The following CCDC40 variants were observed in gnomAD, a reference collection of about 807,000 sequenced individuals.
The protein encoded by CCDC40 is coiled-coil domain 40 molecular ruler complex subunit.
Under a neutral mutation model 124.5 loss-of-function variants are expected in CCDC40, and 104 were observed. That is an observed-to-expected ratio of 0.84 (90% confidence interval 0.71 to 0.98). The LOEUF (loss-of-function observed/expected upper bound fraction) is 0.98, where lower values mean the gene tolerates loss of function less well. Ranked by LOEUF, CCDC40 falls within the 50% of genes least tolerant of loss-of-function variation. The probability of loss-of-function intolerance (pLI) is 0.00; values close to 1 mark genes in which losing one functional copy is unlikely to be tolerated. For synonymous variants in CCDC40, 580 were observed against 602.9 expected (o/e 0.96, Z 0.56); for missense variants, 1,463 against 1,503.9 (o/e 0.97, Z 0.45).
At chr17:80,074,025 T>C (rs925834941) in intron 10 of CCDC40, among the ~76,000 whole-genome samples, 1 of 152,156 alleles carries the variant, frequency 6.6e-6, no homozygotes, top group Non-Finnish European at 1.5e-5. Flanking sequence ...TGATTAAGCT[T>C]CATGAGGAAG....
At position 80,038,147 on chromosome 17, in the gene CCDC40, T is replaced by C. The variant is rs1234556586; in HGVS notation, c.54T>C (p.Ala18=). Residue 18 remains alanine (A), a synonymous_variant, in exon 2 of 20, where the codon GCT becomes GCC. Transcript: ENST00000397545. ...AGRSHPEDGS[A]SEGEKEGNNE... The stretch of plus-strand genomic sequence containing the variant: ...GGTCCCATCCGGAAGATGGATCGGC[T>C]TCTGAGGGAGAGAAGGAAGGGAATA... 4 of 1,611,534 alleles carry C rather than the reference T, an allele frequency of 2.5e-6. No homozygotes were observed. In the South Asian group the frequency reaches 4.4e-5, roughly 18 times the overall value.
chr17:80,055,250 A>G (rs1244712395), intron 7 of CCDC40, among the ~76,000 whole-genome samples: 2 of 152,218 alleles, frequency 1.3e-5, no homozygotes, highest in Non-Finnish European at 2.9e-5. Flanking sequence ...AACAAGAGAA[A>G]GAAATGAGAT....
chr17:80,090,326 CG>C, intron 17 of CCDC40: 2 of 637,740 alleles, frequency 3.1e-6, no homozygotes, highest in Non-Finnish European at 4.7e-6. Context: ...ACGGGACGCG[CG>C]CAGGCACGTG....
intron 17 of CCDC40, among the ~76,000 whole-genome samples, chr17:80,091,342 C>CAG (rs146101730): frequency 1.8e-3 from 260 of 145,020 alleles, no homozygotes; most frequent in Admixed American, 8.5e-3. Context: ...CACACACACA[C>CAG]AGAGAGAGAG....
chr17:80,073,786 C>G (rs2038248764), intron 10 of CCDC40, among the ~76,000 whole-genome samples: 2 of 152,116 alleles, frequency 1.3e-5, no homozygotes, highest in Non-Finnish European at 1.5e-5. Flanking sequence ...ACCTCTACCT[C>G]CCGGGTTCAA....
rs557375778 is a variant in CCDC40 at position 80,040,105 on chromosome 17, C to T, written c.387C>T (p.Tyr129=). 7.4e-6 allele frequency: 12 copies of T among 1,614,144 alleles called. No homozygotes were observed. Among genetic ancestry groups the T allele is most frequent in the African/African-American group, 5.3e-5 (4 of 75,048 alleles). The change falls in exon 3 of 20, where the codon TAC becomes TAT. Residue 129 remains tyrosine (Y), a synonymous_variant. Transcript: ENST00000397545. ...PPQELPGEEA[Y]DSVSGEAGLQ... Reference sequence around the variant, plus strand: ...AGGAACTGCCTGGAGAGGAGGCATACGATAGTGTTAGCGGGGAGGCTGGTC... The same window carrying T: ...AGGAACTGCCTGGAGAGGAGGCATATGATAGTGTTAGCGGGGAGGCTGGTC...
chr17:80,097,108 G>A, intron 18 of CCDC40, 137 bp from the exon 19 acceptor site: 1 of 947,240 alleles, frequency 1.1e-6, no homozygotes, highest in South Asian at 1.3e-5. Context: ...CGCCTCTCCA[G>A]CCCTCCCATT....
Position 80,087,603 on chromosome 17 carries a change from A to G in CCDC40, c.2450-4A>G, listed in dbSNP as rs778209145. 2.5e-6 allele frequency: 4 copies of G among 1,613,934 alleles called. No homozygotes were observed. Among genetic ancestry groups the G allele is most frequent in the South Asian group, 2.2e-5 (2 of 91,076 alleles). The stretch of plus-strand genomic sequence containing the variant: ...TCTCCCTGAGTCTCTGTTTTCTGCC[A>G]TAGGCAAGATTGAGCAGGAGAAGAA... On this transcript the variant is annotated splice_region_variant and splice_polypyrimidine_tract_variant and intron_variant, in intron 14 of 19. Coordinates refer to ENST00000397545, the MANE Select transcript of CCDC40 (RefSeq NM_017950.4). The surrounding 1 kb of genome is among the most constrained non-coding windows in gnomAD (Gnocchi z 4.5).
intron 10 of CCDC40, among the ~76,000 whole-genome samples, chr17:80,073,179 T>C (rs1009180853): frequency 6.6e-6 from 1 of 151,992 alleles, no homozygotes; most frequent in Admixed American, 6.6e-5. Context: ...ATTTTTTGTA[T>C]TTTTTAGTAG....
At chr17:80,037,015 G>C (rs894855944) in intron 1 of CCDC40, among the ~76,000 whole-genome samples, 1 of 152,144 alleles carries the variant, frequency 6.6e-6, no homozygotes, top group African/African-American at 2.4e-5. Flanking sequence ...ACCACTCTGC[G>C]TGGCGGTCCC....
intron 7 of CCDC40, among the ~76,000 whole-genome samples, chr17:80,056,033 G>T (rs1424906611): frequency 6.5e-3 from 48 of 7,394 alleles, no homozygotes; most frequent in Non-Finnish European, 0.012. Flanking sequence ...TTTTTTTTTG[G>T]TAGAAACAGG....
chr17:80,084,982 G>C lies in CCDC40; in HGVS notation c.2229G>C (p.Glu743Asp), dbSNP rs377219039. 263 of 1,613,652 alleles carry C rather than the reference G, an allele frequency of 1.6e-4. 1 individual carries two copies. The highest frequency in any genetic ancestry group is 6.6e-4 in the Middle Eastern group (4 of 6,036). Residue 743 changes from glutamate to aspartate, a missense_variant, in exon 13 of 20, where the codon GAG (glutamate) becomes GAC (aspartate). Coordinates refer to ENST00000397545, the MANE Select transcript of CCDC40 (RefSeq NM_017950.4). ...LNKQLERMVS[E>D]LGGEEVGPLE... is the part of the protein sequence containing the mutation. ...AGCAGCTGGAGCGGATGGTCTCCGA[G>C]CTGGGGGTGAGGTCCCAGGCAGGGA... is the stretch of plus-strand genomic sequence containing the variant.
Position 80,066,088 on chromosome 17 carries a change from T to G in CCDC40, c.1562+482T>G. On this transcript the variant is annotated intron_variant, in intron 10 of 19. Coordinates refer to ENST00000397545, the MANE Select transcript of CCDC40 (RefSeq NM_017950.4). This position sits in a 1 kb window ranked among gnomAD's most constrained non-coding sequence, Gnocchi z 4.4. ...GGATGCGTGGCTCAGGGCAGGGCGT[T>G]GGAGACACAGGTGCTGCCTTCATTC... 2 of 702,912 alleles carry G rather than the reference T, an allele frequency of 2.8e-6. No homozygotes were observed. The highest frequency in any genetic ancestry group is 5.2e-6 in the Non-Finnish European group (2 of 384,970). The allele number at this position is 702,912 out of a possible 1,614,324, so 43.5% of individuals were successfully genotyped here.
rs2143577957 is a variant in CCDC40 at position 80,040,178 on chromosome 17, A to G, written c.460A>G (p.Arg154Gly). The G allele has an allele frequency of 6.2e-7, 1 of 1,613,954 alleles. No individual in the cohort carries two copies. Among genetic ancestry groups the G allele is most frequent in the East Asian group, 2.2e-5 (1 of 44,878 alleles). The change falls in exon 3 of 20, where the codon AGG becomes GGG. Residue 154 changes from arginine to glycine, a missense_variant. Transcript: ENST00000397545. ...CACCGGTCCACCAGAATCCAGAGAA[A>G]GGAGGGTCACCTCCCCAGAGCCATC... ...EATGPPESRE[R>G]RVTSPEPSHG...
At chr17:80,056,605 C>A (rs1335810585) in intron 7 of CCDC40, among the ~76,000 whole-genome samples, 1 of 152,030 alleles carries the variant, frequency 6.6e-6, no homozygotes, top group Non-Finnish European at 1.5e-5. Flanking sequence ...CAAAGTGACA[C>A]CCTGTCTCAG....
chr17:80,072,984 T>TTTTGTTTGTTTG (rs57139196), intron 10 of CCDC40, among the ~76,000 whole-genome samples: 110 of 148,968 alleles, frequency 7.4e-4, no homozygotes, highest in East Asian at 3.6e-3. Flanking sequence ...GTGGAATCGC[T>TTTTGTTTGTTTG]TTTGTTTGTT....
At chr17:80,060,452 C>T (rs1324617474) in intron 9 of CCDC40, among the ~76,000 whole-genome samples, 3 of 150,580 alleles carry the variant, frequency 2.0e-5, no homozygotes, top group Non-Finnish European at 3.0e-5. Context: ...CCCAGCTACT[C>T]AGGAGGCTGA....
chr17:80,078,379 G>A (rs1468232607), intron 10 of CCDC40, among the ~76,000 whole-genome samples: 12 of 150,222 alleles, frequency 8.0e-5, no homozygotes, highest in African/African-American at 1.7e-4. Flanking sequence ...TAAGGGTCAC[G>A]AAGATTTTCT....
chr17:80,066,228 C>T lies in CCDC40; in HGVS notation c.1562+622C>T. The T allele has an allele frequency of 1.4e-6, 1 of 702,374 alleles. No homozygotes were observed. The highest frequency in any genetic ancestry group is 2.7e-5 in the East Asian group (1 of 37,268). 43.5% of individuals were successfully genotyped at this position (702,374 alleles called of 1,614,324 possible). On this transcript the variant is annotated intron_variant, in intron 10 of 19. Coordinates refer to ENST00000397545, the MANE Select transcript of CCDC40 (RefSeq NM_017950.4). This position sits in a 1 kb window ranked among gnomAD's most constrained non-coding sequence, Gnocchi z 4.4. ...CTTCCCCTCCACCTTTCGTAGTCTC[C>T]ACCCCTTGTGCCCAGCACAGAGCCT...
Sources: gnomAD v4.1 joint callset for allele counts (sites outside exome capture counted in the v4.1 genomes callset) on GRCh38, gnomAD v4.1.1 for gene constraint, Gnocchi (gnomAD v3.1) non-coding constraint, MANE v1.5 for transcripts, NCBI Gene and HGNC (gene_info 2026-07-23, HGNC 2026-07-21) for gene names.